GCLC: variants seen among roughly 807,000 people sequenced by gnomAD.
GCLC encodes glutamate-cysteine ligase catalytic subunit.
GCLC carries 30 observed loss-of-function variants against 81.5 expected under a neutral mutation model. The observed-to-expected ratio is 0.37, with a 90% CI of 0.28 to 0.50. GCLC has a LOEUF of 0.50. GCLC is among the 20% of genes least tolerant of loss of function. The pLI is 0.96. For synonymous variants in GCLC, 262 were observed against 273.3 expected (o/e 0.96, Z 0.41); for missense variants, 556 against 777.4 (o/e 0.72, Z 3.39).
chr6:53,505,298 T>G, intron 12 of GCLC, 94 bp downstream of exon 12: 2 of 721,156 alleles, frequency 2.8e-6, no homozygotes, highest in Non-Finnish European at 5.1e-6. Context: ...GTAAACAATT[T>G]CAAATGAAAT....
intron 1 of GCLC, among the ~76,000 whole-genome samples, chr6:53,529,619 T>A (rs537901746): frequency 1.3e-5 from 2 of 152,242 alleles, no homozygotes; most frequent in Admixed American, 1.3e-4. Context: ...CTTATTTACC[T>A]CCAATCATCT....
intron 12 of GCLC, chr6:53,501,263 C>T (rs12525474): frequency 0.16 from 24,583 of 153,792 alleles, 2,037 homozygotes; most frequent in African/African-American, 0.2. Flanking sequence ...CCTGCTGCCT[C>T]GCCATTGGGG....
chr6:53,518,511 A>G (rs1762927180), intron 3 of GCLC, among the ~76,000 whole-genome samples: 2 of 152,182 alleles, frequency 1.3e-5, no homozygotes, highest in South Asian at 4.1e-4. Flanking sequence ...TCGGCCTCCC[A>G]AAGTGCTGGG....
At chr6:53,505,634 C>A in intron 11 of GCLC, 138 bp from the exon 12 acceptor site, 1 of 742,806 alleles carries the variant, frequency 1.3e-6, no homozygotes, top group Non-Finnish European at 2.5e-6. Flanking sequence ...CCTTTGCCCA[C>A]ATCTATTCTC....
chr6:53,523,347 T>C (rs189431137), intron 1 of GCLC: 3 of 152,122 alleles, frequency 2.0e-5, no homozygotes, highest in Non-Finnish European at 4.4e-5. Flanking sequence ...AAACAAAACA[T>C]CCATTATCCA....
rs375383243 is a variant in GCLC, at chr6:53,498,886, T to C, written c.1784A>G (p.Asp595Gly). ...PDYKQDSVIT[D>G]EMNYSLILKC... ...CAAAATAAGGCTATAATTCATTTCA[T>C]CAGTTATGACACTGTCTTGCTTGTA... The change falls in exon 16 of 16, where the codon GAT becomes GGT. Residue 595 changes from aspartate to glycine, a missense_variant. Asp to Gly is a moderately conservative substitution (Grantham distance 94). This residue lies in a region of GCLC where 313 missense variants were observed against 437.3 expected (regional missense o/e 0.72). Transcript: ENST00000650454. The C allele has an allele frequency of 1.2e-6, 2 of 1,612,400 alleles. No individual in the cohort carries two copies. Among genetic ancestry groups the C allele is most frequent in the African/African-American group, 2.7e-5 (2 of 74,882 alleles).
chr6:53,519,592 A>G (rs770520319), intron 3 of GCLC, among the ~76,000 whole-genome samples: 1 of 152,188 alleles, frequency 6.6e-6, no homozygotes, highest in Non-Finnish European at 1.5e-5. Flanking sequence ...TCATGAGAGC[A>G]TGCCCATTCT....
At chr6:53,541,606 TA>T (rs1678451064) in intron 1 of GCLC, among the ~76,000 whole-genome samples, 1 of 148,600 alleles carries the variant, frequency 6.7e-6, no homozygotes, top group African/African-American at 2.5e-5. Flanking sequence ...AATATGTTAG[TA>T]GGGTGGGGGG....
At position 53,541,116 on chromosome 6, in the gene GCLC, T is replaced by C. The variant is rs1293667829; in HGVS notation, c.150+3380A>G. 2.6e-5 allele frequency among the ~76,000 whole-genome samples: 4 copies of C among 152,148 alleles called. No individual in the cohort carries two copies. In the East Asian group the frequency reaches 7.7e-4, roughly 29 times the overall value. The stretch of plus-strand genomic sequence containing the variant: ...TTATAATCCTAGCTACTCAGGAGGC[T>C]GAGGCAGGAGAATCACTTGAACTCT... On this transcript the variant is annotated intron_variant, in intron 1 of 15. Transcript: ENST00000650454.
chr6:53,513,513 T>A (rs1764798421), intron 6 of GCLC: 1 of 152,016 alleles, frequency 6.6e-6, no homozygotes. Flanking sequence ...CCAAAAGAAG[T>A]AAAGGGAGTT....
rs1288485386 is a variant in GCLC at position 53,506,408 on chromosome 6, A to G, written c.1197+505T>C. The stretch of plus-strand genomic sequence containing the variant: ...CTGACCATCTTGGGACCCGATGGCA[A>G]GACTGGAAGGATTTATATCTCCTTT... On this transcript the variant is annotated intron_variant, in intron 10 of 15. Coordinates refer to ENST00000650454, the MANE Select transcript of GCLC (RefSeq NM_001498.4). The surrounding 1 kb of genome is among the most constrained non-coding windows in gnomAD (Gnocchi z 4.0). 1 of 217,896 alleles carries G rather than the reference A, an allele frequency of 4.6e-6. No homozygotes were observed. Among genetic ancestry groups the G allele is most frequent in the African/African-American group, 2.4e-5 (1 of 42,498 alleles). 13.5% of individuals were successfully genotyped at this position (217,896 alleles called of 1,614,324 possible).
intron 14 of GCLC, 23 bp from the exon 15 acceptor site, chr6:53,500,188 T>A (rs770708736): frequency 3.7e-6 from 6 of 1,614,050 alleles, no homozygotes; most frequent in Non-Finnish European, 4.2e-6. Flanking sequence ...GGACACTTTA[T>A]GAACTCCCTG....
chr6:53,527,830 A>G lies in GCLC; in HGVS notation c.151-5303T>C, dbSNP rs189609533. On this transcript the variant is annotated intron_variant, in intron 1 of 15. Transcript: ENST00000650454. The stretch of plus-strand genomic sequence containing the variant: ...TAGGGATCCTTCAACATAAAATTCA[A>G]CCTCCCATAGGATCCCGTCCCCCAG... Among the ~76,000 whole-genome samples, 45 of 152,076 alleles carry G rather than the reference A, an allele frequency of 3.0e-4. No homozygotes were observed. In the East Asian group the frequency reaches 3.3e-3, roughly 11 times the overall value.
At chr6:53,523,864 A>G (rs912335736) in intron 1 of GCLC, 2 of 152,244 alleles carry the variant, frequency 1.3e-5, no homozygotes, top group Admixed American at 6.5e-5. Flanking sequence ...AGCTCTCATC[A>G]GAATCTTTTA....
chr6:53,534,917 T>C (rs1360049834), intron 1 of GCLC, among the ~76,000 whole-genome samples: 1 of 152,152 alleles, frequency 6.6e-6, no homozygotes, highest in African/African-American at 2.4e-5. Flanking sequence ...GCAATCCCAA[T>C]AAAAAACCCC....
intron 1 of GCLC, among the ~76,000 whole-genome samples, chr6:53,531,489 T>C (rs1763171282): frequency 6.6e-6 from 1 of 152,258 alleles, no homozygotes; most frequent in East Asian, 1.9e-4. Flanking sequence ...TGGCTCACAC[T>C]CAGCAGAAAC....
intron 1 of GCLC, among the ~76,000 whole-genome samples, chr6:53,529,450 T>C (rs951416486): frequency 1.3e-5 from 2 of 152,198 alleles, no homozygotes; most frequent in South Asian, 4.1e-4. Context: ...ACCTAACCAG[T>C]CATCTCACAC....
intron 1 of GCLC, among the ~76,000 whole-genome samples, chr6:53,541,995 G>A (rs181659528): frequency 1.4e-4 from 21 of 152,254 alleles, no homozygotes; most frequent in African/African-American, 5.1e-4. Context: ...AGCCTCCCGA[G>A]TAGTTGGGGC....
chr6:53,525,516 A>C (rs894121574), intron 1 of GCLC, among the ~76,000 whole-genome samples: 3 of 152,240 alleles, frequency 2.0e-5, no homozygotes, highest in African/African-American at 7.2e-5. Context: ...AAAGGATAAG[A>C]GGAACAACAT....
Sources: gnomAD v4.1 joint callset for allele counts (sites outside exome capture counted in the v4.1 genomes callset) on GRCh38, gnomAD v4.1.1 for gene constraint, gnomAD v4.1.1 regional missense constraint, Gnocchi (gnomAD v3.1) non-coding constraint, MANE v1.5 for transcripts, NCBI Gene and HGNC (gene_info 2026-07-23, HGNC 2026-07-21) for gene names.